HYAL3: variants seen among roughly 807,000 people sequenced by gnomAD.
The protein encoded by HYAL3 is hyaluronidase-3.
HYAL3 carries 25 observed loss-of-function variants against 29.6 expected under a neutral mutation model. The ratio of observed to expected loss-of-function variants is 0.85; its 90% CI spans 0.62 to 1.18. The LOEUF (loss-of-function observed/expected upper bound fraction) is 1.18, where lower values mean the gene tolerates loss of function less well. HYAL3 is among the 50% of genes most tolerant of loss of function. HYAL3 has a pLI of 0.00. For missense variants in HYAL3, 442 were observed against 548.4 expected (o/e 0.81, Z 1.94); for synonymous variants, 215 against 218.3 (o/e 0.99, Z 0.13).
At chr3:50,294,098 A>G (rs1353624366) in intron 2 of HYAL3, among the ~76,000 whole-genome samples, 1 of 152,212 alleles carries the variant, frequency 6.6e-6, no homozygotes, top group Non-Finnish European at 1.5e-5. Flanking sequence ...CCAGGAGTTC[A>G]ATACCAGCCT....
At position 50,298,609 on chromosome 3, in the gene HYAL3, T is replaced by G. The variant is rs116062254; in HGVS notation, c.-18+604A>C. Among the ~76,000 whole-genome samples the G allele has an allele frequency of 9.7e-3, 1,470 of 152,082 alleles. 19 individuals are homozygous for G. The highest frequency in any genetic ancestry group is 0.034 in the African/African-American group (1,404 of 41,480). ...CCCAAACCCTACTGTTTTCCCATCT[T>G]AACCAAGGTCCTGCCGTCCGGCAGG... is the stretch of plus-strand genomic sequence containing the variant. On this transcript the variant is annotated intron_variant, in intron 1 of 3. Transcript: ENST00000336307.
At position 50,293,179 on chromosome 3, in the gene HYAL3, C is replaced by A. The variant is rs1409397388; in HGVS notation, c.*67G>T. 2.5e-6 allele frequency: 4 copies of A among 1,601,350 alleles called. No individual in the cohort carries two copies. Among genetic ancestry groups the A allele is most frequent in the Non-Finnish European group, 3.4e-6 (4 of 1,169,998 alleles). On this transcript the variant is annotated 3_prime_UTR_variant, in exon 4 of 4. Coordinates refer to ENST00000336307, the MANE Select transcript of HYAL3 (RefSeq NM_003549.4). ...TAAACTGAATAGAGCAAGAGTGGGACAGAGTAGTTCCAGGACTGGAAAAGT... is the reference window on the plus strand; with the variant it reads ...TAAACTGAATAGAGCAAGAGTGGGAAAGAGTAGTTCCAGGACTGGAAAAGT...
chr3:50,298,744 C>T, intron 1 of HYAL3: 1 of 1,018,772 alleles, frequency 9.8e-7, no homozygotes, highest in Non-Finnish European at 1.2e-6. Context: ...AGCTTGAGGC[C>T]AATTAAACAC....
rs782801265 is a variant in HYAL3, at chr3:50,295,006, G to A, written c.597C>T (p.Phe199=). Residue 199 remains phenylalanine (F), a synonymous_variant, in exon 2 of 4, where the codon TTC becomes TTT. Coordinates refer to ENST00000336307, the MANE Select transcript of HYAL3 (RefSeq NM_003549.4). ...CATTGCCACAGGCTGGGTAGTGATA[G>A]AAGCCCCAGAGTCCATGGGGCCGTA... ...QALRPHGLWG[F]YHYPACGNGW... is the part of the protein sequence containing the mutation. The A allele has an allele frequency of 6.2e-7, 1 of 1,613,398 alleles. No homozygotes were observed. The highest frequency in any genetic ancestry group is 1.1e-5 in the South Asian group (1 of 91,086).
chr3:50,298,871 A>C (rs952113292), intron 1 of HYAL3: 1 of 1,287,354 alleles, frequency 7.8e-7, no homozygotes, highest in Non-Finnish European at 9.9e-7. Context: ...AGAGGGAGGA[A>C]GCCCCAGGAT....
At position 50,293,012 on chromosome 3, in the gene HYAL3, G is replaced by C. The variant is rs2109280132; in HGVS notation, c.*234C>G. On this transcript the variant is annotated 3_prime_UTR_variant, in exon 4 of 4. Transcript: ENST00000336307. ...TGGCAGCCCTAACTAGCTGGAACCTGACTCTCCCTGGAACTGCTTCCTTGC... is the reference window on the plus strand; with the variant it reads ...TGGCAGCCCTAACTAGCTGGAACCTCACTCTCCCTGGAACTGCTTCCTTGC... 2.0e-6 allele frequency: 3 copies of C among 1,515,710 alleles called. No homozygotes were observed. The highest frequency in any genetic ancestry group is 2.3e-5 in the East Asian group (1 of 42,692). The allele number at this position is 1,515,710 out of a possible 1,614,324, so 93.9% of individuals were successfully genotyped here. A position where few individuals can be genotyped will look rare whatever the true frequency, so the allele number is the denominator to read the frequency against.
Position 50,297,968 on chromosome 3 carries a change from A to C in HYAL3, c.-18+1245T>G. On this transcript the variant is annotated intron_variant, in intron 1 of 3. Coordinates refer to ENST00000336307, the MANE Select transcript of HYAL3 (RefSeq NM_003549.4). The surrounding 1 kb of genome is among the most constrained non-coding windows in gnomAD (Gnocchi z 4.3). ...TGGCCCCAGCCTGCTCTGGCTACAA[A>C]TTTGTCCTCCTCAGGACCTCCCCTC... 1.5e-5 allele frequency: 15 copies of C among 988,098 alleles called. No individual in the cohort carries two copies. The highest frequency in any genetic ancestry group is 1.8e-5 in the Non-Finnish European group (15 of 832,036). 61.2% of individuals were successfully genotyped at this position (988,098 alleles called of 1,614,324 possible). A position where few individuals can be genotyped will look rare whatever the true frequency, so the allele number is the denominator to read the frequency against.
At chr3:50,296,840 C>T in intron 1 of HYAL3, 1 of 1,585,670 alleles carries the variant, frequency 6.3e-7, no homozygotes, top group Non-Finnish European at 8.6e-7. Flanking sequence ...AGGCATTAAG[C>T]AGGGTGGCAG....
At chr3:50,296,857 G>A (rs587617502) in intron 1 of HYAL3, 42 of 1,592,190 alleles carry the variant, frequency 2.6e-5, no homozygotes, top group South Asian at 5.7e-5. Context: ...GCAGGCAGCC[G>A]TCTGCTGGTG....
At chr3:50,296,341 G>C (rs1430707948) in intron 1 of HYAL3, 3 of 517,910 alleles carry the variant, frequency 5.8e-6, no homozygotes, top group Non-Finnish European at 1.0e-5. Context: ...CAGGGATAAG[G>C]GACCTGCAGA....
In HYAL3 at chr3:50,297,381, C is replaced by T. The variant is rs1553711539; in HGVS notation, c.-17-1762G>A. 1 of 1,613,370 alleles carries T rather than the reference C, an allele frequency of 6.2e-7. No individual in the cohort carries two copies. The highest frequency in any genetic ancestry group is 2.2e-5 in the East Asian group (1 of 44,870). ...AGGATTGAAGGTCATCTCTGGTTGG[C>T]ATGTGGAATCCAGGGGCAGCTTTGG... On this transcript the variant is annotated intron_variant, in intron 1 of 3. Transcript: ENST00000336307. The surrounding 1 kb of genome is among the most constrained non-coding windows in gnomAD (Gnocchi z 4.3).
At chr3:50,296,010 T>C (rs147042351) in intron 1 of HYAL3, among the ~76,000 whole-genome samples, 2 of 152,284 alleles carry the variant, frequency 1.3e-5, no homozygotes, top group Non-Finnish European at 2.9e-5. Flanking sequence ...AATTCCTACC[T>C]AGCACTCAGG....
intron 1 of HYAL3, chr3:50,298,864 G>A: frequency 1.6e-6 from 2 of 1,284,926 alleles, no homozygotes; most frequent in South Asian, 1.7e-5. Flanking sequence ...TTGGTCTAGA[G>A]GGAGGAAGCC....
chr3:50,297,284 C>A lies in HYAL3; in HGVS notation c.-17-1665G>T. The A allele has an allele frequency of 6.2e-7, 1 of 1,604,650 alleles. No individual in the cohort carries two copies. The highest frequency in any genetic ancestry group is 8.5e-7 in the Non-Finnish European group (1 of 1,173,808). Reference sequence around the variant, plus strand: ...GTCGGCGGTGCACAGGCTCCAGGGTCAACTCAGCCAGGCTAGGAGCTGGGG... The same window carrying A: ...GTCGGCGGTGCACAGGCTCCAGGGTAAACTCAGCCAGGCTAGGAGCTGGGG... On this transcript the variant is annotated intron_variant, in intron 1 of 3. Transcript: ENST00000336307. The surrounding 1 kb of genome is among the most constrained non-coding windows in gnomAD (Gnocchi z 4.3).
In HYAL3 at chr3:50,294,952, G is replaced by A. The variant is rs373097788; in HGVS notation, c.651C>T (p.Thr217=). 40 of 1,608,884 alleles carry A rather than the reference G, an allele frequency of 2.5e-5. No individual in the cohort carries two copies. Among genetic ancestry groups the A allele is most frequent in the East Asian group, 8.9e-5 (4 of 44,748 alleles). Residue 217 remains threonine (T), a synonymous_variant, in exon 2 of 4, where the codon ACC becomes ACT. Transcript: ENST00000336307. The part of the protein sequence containing the change: ...NGWHSMASNY[T]GRCHAATLAR... ...CAAGGGTGGCTGCATGGCAGCGGCC[G>A]GTATAGTTGGAAGCCATACTATGCC...
In HYAL3 at chr3:50,292,861, G is replaced by C. The variant is rs1553710185; in HGVS notation, c.*385C>G. The C allele has an allele frequency of 2.0e-6, 3 of 1,491,384 alleles. No individual in the cohort carries two copies. Among genetic ancestry groups the C allele is most frequent in the Non-Finnish European group, 2.7e-6 (3 of 1,111,936 alleles). The allele number at this position is 1,491,384 out of a possible 1,614,324, so 92.4% of individuals were successfully genotyped here. On this transcript the variant is annotated 3_prime_UTR_variant, in exon 4 of 4. Transcript: ENST00000336307. ...GGAAAAAAGTGACTTTATGATGAAA[G>C]AGTGCAGACAACAGCTTAGCACTTT...
In HYAL3 at chr3:50,295,046, C is replaced by T. The variant is rs199964334; in HGVS notation, c.557G>A (p.Arg186Gln). ...AARALMEDTL[R>Q]VAQALRPHGL... ...ATGGGGCCGTAGTGCCTGGGCCACC[C>T]GCAGCGTATCCTCCATCAGTGCACG... Residue 186 changes from arginine to glutamine, a missense_variant, in exon 2 of 4, where the codon CGG (arginine) becomes CAG (glutamine). Arg to Gln is a conservative substitution (Grantham distance 43, BLOSUM62 1). Transcript: ENST00000336307. 2.0e-5 allele frequency: 32 copies of T among 1,613,426 alleles called. No individual in the cohort carries two copies. Among genetic ancestry groups the T allele is most frequent in the African/African-American group, 8.0e-5 (6 of 75,052 alleles).
chr3:50,294,153 G>A (rs967687691), intron 2 of HYAL3, among the ~76,000 whole-genome samples: 1 of 152,172 alleles, frequency 6.6e-6, no homozygotes, highest in Non-Finnish European at 1.5e-5. Context: ...ATAAAAATTA[G>A]CTGGGTGTGG....
chr3:50,295,285 T>C lies in HYAL3; in HGVS notation c.318A>G (p.Ala106=), dbSNP rs145234830. 6.5e-5 allele frequency: 105 copies of C among 1,613,984 alleles called. No individual in the cohort carries two copies. Among genetic ancestry groups the C allele is most frequent in the Non-Finnish European group, 8.4e-5 (99 of 1,180,028 alleles). ...PQALPLDRHL[A]LAAYQIHHSL... ...TGTGGTGGATCTGGTAGGCAGCCAG[T>C]GCCAGGTGGCGGTCAAGGGGCAAAG... The change falls in exon 2 of 4, where the codon GCA becomes GCG. Residue 106 remains alanine (A), a synonymous_variant. Coordinates refer to ENST00000336307, the MANE Select transcript of HYAL3 (RefSeq NM_003549.4).
Sources: gnomAD v4.1 joint callset for allele counts (sites outside exome capture counted in the v4.1 genomes callset) on GRCh38, gnomAD v4.1.1 for gene constraint, Gnocchi (gnomAD v3.1) non-coding constraint, MANE v1.5 for transcripts, NCBI Gene and HGNC (gene_info 2026-07-23, HGNC 2026-07-21) for gene names.